PCDH11X: variants seen among roughly 807,000 people sequenced by gnomAD.
The protein encoded by PCDH11X is protocadherin-11 X-linked.
In PCDH11X, 18 loss-of-function variants were observed where a neutral mutation model predicts 53.3. The ratio of observed to expected loss-of-function variants is 0.34; its 90% confidence interval spans 0.23 to 0.50. The LOEUF (loss-of-function observed/expected upper bound fraction) is 0.50, where lower values mean the gene tolerates loss of function less well. PCDH11X is among the 20% of genes least tolerant of loss of function. The pLI is 0.98. For missense variants in PCDH11X, 570 were observed against 1,032.4 expected (o/e 0.55, Z 6.14); for synonymous variants, 279 against 393.3 (o/e 0.71, Z 3.44).
intron 9 of PCDH11X, among the ~76,000 whole-genome samples, chrX:92,399,110 A>G (rs140841631): frequency 0.17 from 17,981 of 106,599 alleles, 2,162 homozygotes; most frequent in East Asian, 0.74. Flanking sequence ...GGAGAATGGC[A>G]TGAACCCTGG....
chrX:92,045,444 T>G (rs2063272554), intron 6 of PCDH11X, among the ~76,000 whole-genome samples: 1 of 104,421 alleles, frequency 9.6e-6, no homozygotes, highest in Non-Finnish European at 1.9e-5. Flanking sequence ...AAAAGGTGTT[T>G]CAGAAATAAG....
intron 6 of PCDH11X, among the ~76,000 whole-genome samples, chrX:91,975,278 A>T (rs2062031584): frequency 8.9e-6 from 1 of 112,108 alleles, no homozygotes; most frequent in South Asian, 3.7e-4. Context: ...AAAAATAGAG[A>T]TGTCAAGATG....
rs1243595977 is a variant in PCDH11X at position 91,858,148 on chromosome X, G to A, written c.541-18633G>A. Among the ~76,000 whole-genome samples, 3 of 109,411 alleles carry A rather than the reference G, an allele frequency of 2.7e-5. No homozygotes were observed. The East Asian group carries it at 8.7e-4, about 32-fold the overall frequency. ...CCCAACACCACGTATAAGCCACCAA[G>A]GCTTGGGGCTTCCACCCTCTGAAGC... On this transcript the variant is annotated intron_variant, in intron 5 of 10. Transcript: ENST00000682573.
intron 8 of PCDH11X, among the ~76,000 whole-genome samples, chrX:92,368,552 C>T (rs1484971409): frequency 1.8e-5 from 2 of 111,233 alleles, no homozygotes; most frequent in East Asian, 5.7e-4. Flanking sequence ...AGAGGAGTTG[C>T]GATCATTTGG....
chrX:91,800,604 A>G, intron 1 of PCDH11X, among the ~76,000 whole-genome samples: 1 of 111,250 alleles, frequency 9.0e-6, no homozygotes, highest in Middle Eastern at 4.7e-3. Context: ...GCTGTAATTA[A>G]AATGATTTTC....
chrX:92,013,658 C>G (rs1248217291), intron 6 of PCDH11X, among the ~76,000 whole-genome samples: 1 of 111,729 alleles, frequency 9.0e-6, no homozygotes, highest in Non-Finnish European at 1.9e-5. Flanking sequence ...GTAACCAAAA[C>G]AGCATGGTAT....
chrX:92,575,936 T>TACACACACACAC (rs1462543427), intron 10 of PCDH11X, among the ~76,000 whole-genome samples: 34 of 26,213 alleles, frequency 1.3e-3, no homozygotes, highest in South Asian at 2.2e-3. Flanking sequence ...TATATATATA[T>TACACACACACAC]ATATATATAC....
rs1172136895 is a variant in PCDH11X, at chrX:92,079,579, T to TA, written c.3034-121784dup. On this transcript the variant is annotated intron_variant, in intron 6 of 10. Transcript: ENST00000682573. ...GAAGGCCATTTTCTCTTTTCTAAAG[T>TA]AAAAAAAAAAAATAGAATCTACCAG... is the stretch of plus-strand genomic sequence containing the variant. 8.7e-3 allele frequency among the ~76,000 whole-genome samples: 903 copies of TA among 103,500 alleles called. 7 individuals carry two copies. The highest frequency in any genetic ancestry group is 0.025 in the African/African-American group (729 of 28,700). 89.9% of individuals were successfully genotyped at this position (103,500 alleles called of 115,157 possible). A position where few individuals can be genotyped will look rare whatever the true frequency, so the allele number is the denominator to read the frequency against.
intron 6 of PCDH11X, among the ~76,000 whole-genome samples, chrX:92,069,446 A>G (rs35212570): frequency 9.0e-5 from 10 of 110,802 alleles, no homozygotes; most frequent in Non-Finnish European, 1.7e-4. Flanking sequence ...TCTTTTGATT[A>G]GAGAGTTTAT....
intron 6 of PCDH11X, among the ~76,000 whole-genome samples, chrX:91,990,707 G>T (rs1211166308): frequency 9.5e-6 from 1 of 105,504 alleles, no homozygotes; most frequent in African/African-American, 3.5e-5. Context: ...CACAGGAGGT[G>T]CAGGGGCTCC....
chrX:92,257,802 G>T (rs932053626), intron 7 of PCDH11X, among the ~76,000 whole-genome samples: 2 of 112,626 alleles, frequency 1.8e-5, no homozygotes, highest in African/African-American at 6.5e-5. Context: ...CCCTGAGGCT[G>T]TTCTCATGGA....
In PCDH11X at chrX:92,384,718, G is replaced by A. The variant is rs377739536; in HGVS notation, c.3145-3017G>A. 4.6e-4 allele frequency among the ~76,000 whole-genome samples: 48 copies of A among 105,294 alleles called. 1 individual carries two copies. In the East Asian group the frequency reaches 0.011, roughly 24 times the overall value. The allele number at this position is 105,294 out of a possible 115,157, so 91.4% of individuals were successfully genotyped here. ...GATGAGCCAGTTTATCGATCTGGGT[G>A]GTGCCAGCTGGTCCATCAAGTGCAG... On this transcript the variant is annotated intron_variant, in intron 8 of 10. Coordinates refer to ENST00000682573, the MANE Select transcript of PCDH11X (RefSeq NM_032968.5).
chrX:92,075,804 A>G (rs1196305409), intron 6 of PCDH11X, among the ~76,000 whole-genome samples: 5 of 111,659 alleles, frequency 4.5e-5, no homozygotes, highest in Non-Finnish European at 7.5e-5. Flanking sequence ...GTGAATAACT[A>G]TCACCTTTTC....
At chrX:91,935,938 T>A (rs766330837) in intron 6 of PCDH11X, among the ~76,000 whole-genome samples, 1 of 109,241 alleles carries the variant, frequency 9.2e-6, no homozygotes, top group African/African-American at 3.3e-5. Context: ...ACCTAGGATT[T>A]CTCATGCAAA....
At chrX:91,973,482 C>G (rs1364742564) in intron 6 of PCDH11X, among the ~76,000 whole-genome samples, 2 of 103,443 alleles carry the variant, frequency 1.9e-5, no homozygotes, top group Admixed American at 1.0e-4. Flanking sequence ...TTGCTGGTGA[C>G]AGATTTTAAG....
At chrX:92,035,469 T>C (rs1602725798) in intron 6 of PCDH11X, among the ~76,000 whole-genome samples, 2 of 103,691 alleles carry the variant, frequency 1.9e-5, no homozygotes, top group African/African-American at 7.0e-5. Flanking sequence ...TGACTATCTC[T>C]TCTGGCCTGT....
chrX:92,050,369 G>A (rs2063351468), intron 6 of PCDH11X, among the ~76,000 whole-genome samples: 1 of 106,000 alleles, frequency 9.4e-6, no homozygotes, highest in African/African-American at 3.4e-5. Context: ...ATAAAGGATA[G>A]TAGAATGATT....
intron 6 of PCDH11X, among the ~76,000 whole-genome samples, chrX:92,120,948 G>A (rs2064750130): frequency 9.0e-6 from 1 of 111,174 alleles, no homozygotes; most frequent in African/African-American, 3.3e-5. Context: ...AGATATTCAT[G>A]TAGTGGCTTC....
At chrX:91,845,028 T>G (rs748281176) in intron 5 of PCDH11X, among the ~76,000 whole-genome samples, 1 of 111,834 alleles carries the variant, frequency 8.9e-6, no homozygotes, top group African/African-American at 3.2e-5. Flanking sequence ...AGTTTAAGAC[T>G]TTATGGATTA....
Sources: allele counts gnomAD v4.1 joint callset (sites outside exome capture counted in the v4.1 genomes callset), GRCh38; gene constraint gnomAD v4.1.1; transcripts MANE v1.5; gene names NCBI Gene and HGNC (gene_info 2026-07-23, HGNC 2026-07-21).